Variants in GPM6A observed in about 807,000 individuals in gnomAD.
GPM6A encodes glycoprotein M6A.
Under a neutral mutation model 32.1 loss-of-function variants are expected in GPM6A, and 7 were observed. The observed-to-expected ratio is 0.22, with a 90% CI of 0.12 to 0.41. The LOEUF (loss-of-function observed/expected upper bound fraction) is 0.41, where lower values mean the gene tolerates loss of function less well. Ranked by LOEUF, GPM6A falls within the 10% of genes least tolerant of loss-of-function variation. The pLI is 1.00. For missense variants in GPM6A, 235 were observed against 347.2 expected (o/e 0.68, Z 2.57); for synonymous variants, 130 against 123.4 (o/e 1.05, Z -0.35).
chr4:175,698,327 A>G (rs1443853259), intron 2 of GPM6A, among the ~76,000 whole-genome samples: 1 of 152,158 alleles, frequency 6.6e-6, no homozygotes, highest in Non-Finnish European at 1.5e-5. Flanking sequence ...GTAAATTACT[A>G]AAATTAGGTA....
intron 1 of GPM6A, among the ~76,000 whole-genome samples, chr4:175,735,379 A>G (rs371447114): frequency 4.3e-4 from 65 of 152,318 alleles, no homozygotes; most frequent in African/African-American, 1.4e-3. Context: ...ATTCCTAATT[A>G]TTGTTATTAA....
intron 1 of GPM6A, among the ~76,000 whole-genome samples, chr4:175,913,537 G>T (rs138941439): frequency 4.8e-4 from 73 of 152,268 alleles, no homozygotes; most frequent in Middle Eastern, 6.8e-3. Flanking sequence ...AGCCCAAAGT[G>T]CTGAGTGATT....
intron 1 of GPM6A, among the ~76,000 whole-genome samples, chr4:175,973,852 A>G (rs1289851998): frequency 6.6e-6 from 1 of 152,186 alleles, no homozygotes; most frequent in Non-Finnish European, 1.5e-5. Context: ...TTATCATATG[A>G]TGCTTTATGC....
intron 1 of GPM6A, among the ~76,000 whole-genome samples, chr4:175,941,338 A>T (rs1467098826): frequency 6.6e-6 from 1 of 152,002 alleles, no homozygotes; most frequent in Non-Finnish European, 1.5e-5. Flanking sequence ...TTCATCTTTT[A>T]AAAAAAATTT....
At chr4:175,756,425 GT>G (rs1387616903) in intron 1 of GPM6A, among the ~76,000 whole-genome samples, 3 of 152,110 alleles carry the variant, frequency 2.0e-5, no homozygotes, top group African/African-American at 7.2e-5. Context: ...ATCTTGAAAG[GT>G]TTTAAAAGTT....
intron 1 of GPM6A, among the ~76,000 whole-genome samples, chr4:175,970,448 T>G (rs897995945): frequency 2.6e-5 from 4 of 152,230 alleles, no homozygotes; most frequent in Admixed American, 6.5e-5. Flanking sequence ...ATAGACTTTG[T>G]AATACGTTTG....
intron 1 of GPM6A, among the ~76,000 whole-genome samples, chr4:175,769,676 A>C: frequency 6.6e-6 from 1 of 152,172 alleles, no homozygotes. Context: ...ACTATCTACC[A>C]AATAAATGAT....
chr4:175,895,084 G>A (rs553933152), intron 1 of GPM6A, among the ~76,000 whole-genome samples: 2 of 152,104 alleles, frequency 1.3e-5, no homozygotes, highest in Non-Finnish European at 2.9e-5. Context: ...CCATGAATCA[G>A]TGAACTTTAA....
chr4:175,993,250 A>T (rs1488590124), intron 1 of GPM6A, among the ~76,000 whole-genome samples: 1 of 147,520 alleles, frequency 6.8e-6, no homozygotes, highest in Admixed American at 6.9e-5. Context: ...TCACTCCTTT[A>T]TTAAAAATGC....
intron 1 of GPM6A, among the ~76,000 whole-genome samples, chr4:175,768,010 C>T (rs567609861): frequency 1.3e-5 from 2 of 152,222 alleles, no homozygotes; most frequent in South Asian, 4.1e-4. Context: ...TTTAGTTTAG[C>T]ATTTATCAAA....
intron 1 of GPM6A, among the ~76,000 whole-genome samples, chr4:175,776,828 A>G (rs1733416016): frequency 6.6e-6 from 1 of 152,196 alleles, no homozygotes; most frequent in Admixed American, 6.5e-5. Context: ...CCTGGGAACA[A>G]AGGGAAAATA....
At chr4:175,635,264 C>A (rs1389293033) in intron 6 of GPM6A, among the ~76,000 whole-genome samples, 1 of 152,130 alleles carries the variant, frequency 6.6e-6, no homozygotes, top group Non-Finnish European at 1.5e-5. Context: ...GGCACCATTT[C>A]TTTCAGTATC....
chr4:175,946,916 A>T (rs1408574802), intron 1 of GPM6A, among the ~76,000 whole-genome samples: 5 of 152,206 alleles, frequency 3.3e-5, no homozygotes, highest in Non-Finnish European at 5.9e-5. Flanking sequence ...CAACTTCCTG[A>T]GAGGAAGCCA....
At chr4:175,738,095 G>A (rs982067430) in intron 1 of GPM6A, among the ~76,000 whole-genome samples, 10 of 152,024 alleles carry the variant, frequency 6.6e-5, no homozygotes, top group Non-Finnish European at 1.3e-4. Context: ...GTGCCAACAC[G>A]CCTGGCTAAA....
intron 4 of GPM6A, among the ~76,000 whole-genome samples, chr4:175,649,974 A>G (rs1307705421): frequency 6.6e-6 from 1 of 152,210 alleles, no homozygotes; most frequent in Non-Finnish European, 1.5e-5. Context: ...GAAGACATTT[A>G]GGACAAGGGG....
intron 3 of GPM6A, among the ~76,000 whole-genome samples, chr4:175,673,226 A>C (rs1232732687): frequency 6.6e-6 from 1 of 152,094 alleles, no homozygotes; most frequent in African/African-American, 2.4e-5. Flanking sequence ...ATATAAATTA[A>C]AATTTAATGC....
At chr4:175,962,324 C>A in intron 1 of GPM6A, 1 of 916,438 alleles carries the variant, frequency 1.1e-6, no homozygotes. Flanking sequence ...GTCCTGTGGC[C>A]ACTCCTGAAC....
intron 2 of GPM6A, among the ~76,000 whole-genome samples, chr4:175,694,010 G>T (rs66490831): frequency 6.6e-6 from 1 of 152,050 alleles, no homozygotes; most frequent in Admixed American, 6.6e-5. Context: ...TGCTCTGGCC[G>T]TGTAAGATAG....
intron 2 of GPM6A, among the ~76,000 whole-genome samples, chr4:175,674,287 C>T (rs1743241766): frequency 6.6e-6 from 1 of 152,138 alleles, no homozygotes; most frequent in South Asian, 2.1e-4. Flanking sequence ...AAGTGATTCT[C>T]CTGCCTCAGC....
Sources: allele counts gnomAD v4.1 joint callset (sites outside exome capture counted in the v4.1 genomes callset), GRCh38; gene constraint gnomAD v4.1.1; transcripts MANE v1.5; gene names NCBI Gene and HGNC (gene_info 2026-07-23, HGNC 2026-07-21).